DPYS: variants seen among roughly 807,000 people sequenced by gnomAD.
DPYS encodes the protein dihydropyrimidinase.
A neutral mutation model predicts 50.3 loss-of-function variants in DPYS; 39 were observed. The ratio of observed to expected loss-of-function variants is 0.78; its 90% confidence interval spans 0.60 to 1.01. The LOEUF (loss-of-function observed/expected upper bound fraction) is 1.01. Among genes scored for constraint, DPYS ranks in the 50% least tolerant of loss-of-function variants. DPYS has a pLI of 0.00. For missense variants in DPYS, 659 were observed against 680.9 expected (o/e 0.97, Z 0.36); for synonymous variants, 245 against 250.7 (o/e 0.98, Z 0.22).
At chr8:104,425,502 C>T (rs1812692672) in intron 6 of DPYS, among the ~76,000 whole-genome samples, 1 of 151,856 alleles carries the variant, frequency 6.6e-6, no homozygotes, top group Admixed American at 6.5e-5. Flanking sequence ...GATGGGGTTT[C>T]ACCATGTTGC....
chr8:104,390,307 A>G (rs560727221), intron 8 of DPYS, among the ~76,000 whole-genome samples: 1 of 152,298 alleles, frequency 6.6e-6, no homozygotes, highest in East Asian at 1.9e-4. Flanking sequence ...GAGACTTTAC[A>G]AAACAAACGC....
intron 7 of DPYS, among the ~76,000 whole-genome samples, chr8:104,395,241 C>T (rs1465073390): frequency 1.3e-5 from 2 of 152,184 alleles, no homozygotes; most frequent in East Asian, 3.9e-4. Flanking sequence ...TCAAGCAATC[C>T]ACCCACCTTG....
intron 7 of DPYS, among the ~76,000 whole-genome samples, chr8:104,400,581 G>A (rs1322819595): frequency 6.6e-6 from 1 of 152,230 alleles, no homozygotes; most frequent in Non-Finnish European, 1.5e-5. Context: ...ATGGAAGCCT[G>A]ACCATCTAGG....
intron 8 of DPYS, among the ~76,000 whole-genome samples, chr8:104,383,540 G>A (rs557626428): frequency 6.6e-6 from 1 of 151,906 alleles, no homozygotes; most frequent in South Asian, 2.1e-4. Flanking sequence ...CCTGGCGTGG[G>A]CTGACTCCGT....
chr8:104,447,517 G>A lies in DPYS; in HGVS notation c.424-14C>T. 1 of 1,613,682 alleles carries A rather than the reference G, an allele frequency of 6.2e-7. No homozygotes were observed. Among genetic ancestry groups the A allele is most frequent in the Non-Finnish European group, 8.5e-7 (1 of 1,179,708 alleles). The stretch of plus-strand genomic sequence containing the variant: ...TTCTTCTTTAACCTAAAAGGAAGCA[G>A]CAACCATAACAACAATATGTTACTC... On this transcript the variant is annotated splice_polypyrimidine_tract_variant and intron_variant, in intron 2 of 9. Transcript: ENST00000351513.
At chr8:104,415,206 A>C (rs888452922) in intron 7 of DPYS, among the ~76,000 whole-genome samples, 8 of 152,218 alleles carry the variant, frequency 5.3e-5, no homozygotes, top group African/African-American at 1.4e-4. Flanking sequence ...AAGATATAAA[A>C]ACATAGAATC....
In DPYS at chr8:104,447,349, G is replaced by C; in HGVS notation, c.578C>G (p.Ala193Gly). ...CTCTGCAATTAAGTCTCCATTTTCC[G>C]CATGGACCTGGGCAATTGCTCCAAT... is the stretch of plus-strand genomic sequence containing the variant. Reference protein sequence around the residue: ...KEIGAIAQVHAENGDLIAEGA... With the variant: ...KEIGAIAQVHGENGDLIAEGA... The change falls in exon 3 of 10, where the codon GCG becomes GGG. Residue 193 changes from alanine to glycine, a missense_variant. Coordinates refer to ENST00000351513, the MANE Select transcript of DPYS (RefSeq NM_001385.3). The C allele has an allele frequency of 6.2e-7, 1 of 1,613,890 alleles. No homozygotes were observed. Among genetic ancestry groups the C allele is most frequent in the Admixed American group, 1.7e-5 (1 of 59,972 alleles).
chr8:104,393,084 C>G, intron 7 of DPYS, 93 bp from the exon 8 acceptor site: 1 of 1,153,796 alleles, frequency 8.7e-7, no homozygotes, highest in Non-Finnish European at 1.3e-6. Context: ...TAGAAGAAAA[C>G]TTAGCAACTC....
At chr8:104,442,129 A>G (rs1403325721) in intron 4 of DPYS, among the ~76,000 whole-genome samples, 2 of 152,242 alleles carry the variant, frequency 1.3e-5, no homozygotes, top group Non-Finnish European at 1.5e-5. Context: ...GAACATTTTT[A>G]TATATAATTT....
At chr8:104,429,509 G>A (rs144909080) in intron 5 of DPYS, 36 bp downstream of exon 5, 4 of 1,613,478 alleles carry the variant, frequency 2.5e-6, no homozygotes, top group East Asian at 4.5e-5. Flanking sequence ...ACCTTCTTTT[G>A]GCAATACACT....
intron 7 of DPYS, among the ~76,000 whole-genome samples, chr8:104,405,862 G>A (rs944440904): frequency 6.6e-6 from 1 of 152,246 alleles, no homozygotes; most frequent in Non-Finnish European, 1.5e-5. Flanking sequence ...AGGAGGGCAT[G>A]ATGAGCTGCC....
At chr8:104,451,670 C>T (rs1813748705) in intron 1 of DPYS, among the ~76,000 whole-genome samples, 2 of 152,074 alleles carry the variant, frequency 1.3e-5, no homozygotes, top group South Asian at 4.1e-4. Context: ...TCAAAGAAAA[C>T]AGAGTGAGGA....
chr8:104,431,783 A>G (rs1812965217), intron 4 of DPYS, among the ~76,000 whole-genome samples: 2 of 152,174 alleles, frequency 1.3e-5, no homozygotes, highest in South Asian at 4.1e-4. Flanking sequence ...ATTGATGTTC[A>G]ATGAGACTAA....
chr8:104,445,331 G>A (rs913933403), intron 3 of DPYS, among the ~76,000 whole-genome samples: 1 of 152,180 alleles, frequency 6.6e-6, no homozygotes, highest in Non-Finnish European at 1.5e-5. Context: ...ATTTGTTGCT[G>A]CACTGTTCAC....
At chr8:104,392,099 C>A (rs1179418926) in intron 8 of DPYS, among the ~76,000 whole-genome samples, 1 of 152,192 alleles carries the variant, frequency 6.6e-6, no homozygotes, top group African/African-American at 2.4e-5. Flanking sequence ...AAAACTCCAC[C>A]ATTGCTCTGG....
At chr8:104,398,870 A>C (rs1056077847) in intron 7 of DPYS, among the ~76,000 whole-genome samples, 5 of 152,210 alleles carry the variant, frequency 3.3e-5, no homozygotes, top group African/African-American at 1.2e-4. Context: ...GCTTCTCCTG[A>C]AGCAGCTGAG....
At chr8:104,450,177 A>AG (rs1813688090) in intron 2 of DPYS, among the ~76,000 whole-genome samples, 4 of 113,350 alleles carry the variant, frequency 3.5e-5, no homozygotes, top group African/African-American at 1.4e-4. Flanking sequence ...GAGGGAGGGA[A>AG]AAGAAGAAGA....
At chr8:104,454,867 A>G (rs968690018) in intron 1 of DPYS, among the ~76,000 whole-genome samples, 2 of 152,164 alleles carry the variant, frequency 1.3e-5, no homozygotes, top group Non-Finnish European at 2.9e-5. Flanking sequence ...GAAGTTTCCA[A>G]TTAAGTATAA....
chr8:104,403,587 A>T (rs1339224815), intron 7 of DPYS, among the ~76,000 whole-genome samples: 1 of 152,248 alleles, frequency 6.6e-6, no homozygotes, highest in Non-Finnish European at 1.5e-5. Context: ...GCTGGATAAC[A>T]GAAATGTCTG....
Sources: allele counts gnomAD v4.1 joint callset (sites outside exome capture counted in the v4.1 genomes callset), GRCh38; gene constraint gnomAD v4.1.1; transcripts MANE v1.5; gene names NCBI Gene and HGNC (gene_info 2026-07-23, HGNC 2026-07-21).